LRP1B: variants seen among roughly 807,000 people sequenced by gnomAD.
The protein encoded by LRP1B is low-density lipoprotein receptor-related protein 1B.
In LRP1B, 217 loss-of-function variants were observed where a neutral mutation model predicts 556.6. The observed-to-expected ratio is 0.39, with a 90% CI of 0.35 to 0.44. LRP1B has a LOEUF of 0.44. Ranked by LOEUF, LRP1B falls within the 20% of genes least tolerant of loss-of-function variation. LRP1B has a pLI of 1.00. For missense variants in LRP1B, 5,053 were observed against 5,620.8 expected (o/e 0.90, Z 3.23); for synonymous variants, 2,047 against 1,865.8 (o/e 1.10, Z -2.50).
intron 2 of LRP1B, among the ~76,000 whole-genome samples, chr2:141,586,266 A>G (rs1304652684): frequency 6.6e-6 from 1 of 152,230 alleles, no homozygotes; most frequent in Non-Finnish European, 1.5e-5. Flanking sequence ...AAAAGCCTTT[A>G]AAACCAATAC....
intron 31 of LRP1B, among the ~76,000 whole-genome samples, chr2:140,829,174 CAAT>C (rs1691630174): frequency 6.6e-6 from 1 of 151,898 alleles, no homozygotes; most frequent in Admixed American, 6.6e-5. Context: ...GACTGTAACA[CAAT>C]AATAATGGAG....
intron 41 of LRP1B, among the ~76,000 whole-genome samples, chr2:140,679,991 G>A (rs1369691819): frequency 2.0e-5 from 3 of 151,072 alleles, no homozygotes; most frequent in Admixed American, 2.0e-4. Flanking sequence ...ATCAGCTATC[G>A]TTAGTGTTAG....
Position 141,854,729 on chromosome 2 carries a change from T to A in LRP1B, c.83-44328A>T, listed in dbSNP as rs1456041447. 2.0e-5 allele frequency among the ~76,000 whole-genome samples: 3 copies of A among 152,138 alleles called. No homozygotes were observed. In the East Asian group the frequency reaches 5.8e-4, roughly 29 times the overall value. On this transcript the variant is annotated intron_variant, in intron 1 of 90. Transcript: ENST00000389484. ...AAAATATTTATTAAAAACCTAGAAA[T>A]GGATTGTGTATAAATACAATGAATA...
At chr2:140,431,490 TG>T (rs768172704) in intron 66 of LRP1B, among the ~76,000 whole-genome samples, 6 of 152,192 alleles carry the variant, frequency 3.9e-5, no homozygotes, top group Non-Finnish European at 8.8e-5. Flanking sequence ...ATACATGCCC[TG>T]CTCTTGCTTA....
chr2:140,868,355 G>C, intron 25 of LRP1B, 92 bp from the exon 26 acceptor site: 14 of 1,155,796 alleles, frequency 1.2e-5, no homozygotes, highest in Non-Finnish European at 1.6e-5. Context: ...GCTAGGCACT[G>C]GATAGGTGAT....
chr2:141,294,103 CA>C (rs1403021838), intron 3 of LRP1B, among the ~76,000 whole-genome samples: 1 of 151,948 alleles, frequency 6.6e-6, no homozygotes, highest in African/African-American at 2.4e-5. Context: ...AGAGACTAAA[CA>C]GGTAAAGACC....
intron 3 of LRP1B, among the ~76,000 whole-genome samples, chr2:141,352,513 G>T (rs116434868): frequency 6.6e-6 from 1 of 151,664 alleles, no homozygotes; most frequent in African/African-American, 2.4e-5. Context: ...GCACCTTTTG[G>T]TTCTCAGAAA....
At chr2:140,402,871 A>G (rs1684567484) in intron 66 of LRP1B, among the ~76,000 whole-genome samples, 1 of 152,212 alleles carries the variant, frequency 6.6e-6, no homozygotes, top group Non-Finnish European at 1.5e-5. Context: ...AATTAAGTAA[A>G]TGAGAAAGTG....
intron 18 of LRP1B, among the ~76,000 whole-genome samples, chr2:140,978,842 C>A (rs1696681782): frequency 6.6e-6 from 1 of 152,152 alleles, no homozygotes; most frequent in Non-Finnish European, 1.5e-5. Flanking sequence ...CTGATACTAA[C>A]CCATGCCGCT....
At chr2:141,658,944 C>T (rs1036155041) in intron 2 of LRP1B, among the ~76,000 whole-genome samples, 1 of 152,154 alleles carries the variant, frequency 6.6e-6, no homozygotes, top group African/African-American at 2.4e-5. Flanking sequence ...CGCTCTGTTG[C>T]TCAGGCTGGA....
chr2:141,047,861 A>G (rs528277606), intron 11 of LRP1B, among the ~76,000 whole-genome samples: 3 of 152,058 alleles, frequency 2.0e-5, no homozygotes, highest in Non-Finnish European at 4.4e-5. Context: ...ATGTTTCTCC[A>G]TTAAGATCTA....
At chr2:141,363,602 T>A (rs1688915680) in intron 3 of LRP1B, among the ~76,000 whole-genome samples, 1 of 152,144 alleles carries the variant, frequency 6.6e-6, no homozygotes, top group Non-Finnish European at 1.5e-5. Flanking sequence ...AAAGGAAATA[T>A]CATTTAATAT....
At chr2:141,678,180 G>A (rs191107872) in intron 2 of LRP1B, among the ~76,000 whole-genome samples, 94 of 152,220 alleles carry the variant, frequency 6.2e-4, no homozygotes, top group African/African-American at 2.2e-3. Flanking sequence ...ATATAAACCT[G>A]AGTATTATTG....
chr2:142,076,170 T>C (rs1048294264), intron 1 of LRP1B, among the ~76,000 whole-genome samples: 9 of 152,118 alleles, frequency 5.9e-5, no homozygotes, highest in African/African-American at 1.9e-4. Context: ...AATAGGAAGA[T>C]ATATATTCAG....
chr2:140,354,632 T>G (rs1682127734), intron 75 of LRP1B, among the ~76,000 whole-genome samples: 1 of 152,046 alleles, frequency 6.6e-6, no homozygotes, highest in African/African-American at 2.4e-5. Context: ...GTATTCTGCA[T>G]GATTTCATAC....
chr2:141,818,055 A>G (rs984155699), intron 1 of LRP1B, among the ~76,000 whole-genome samples: 2 of 152,180 alleles, frequency 1.3e-5, no homozygotes, highest in African/African-American at 4.8e-5. Context: ...AGTTTAGTTA[A>G]CATCAAATAT....
At chr2:140,281,936 C>A (rs954082982) in intron 84 of LRP1B, among the ~76,000 whole-genome samples, 3 of 151,294 alleles carry the variant, frequency 2.0e-5, no homozygotes, top group Middle Eastern at 3.4e-3. Context: ...CCAGAGCAAC[C>A]AACAATATAA....
intron 24 of LRP1B, 29 bp from the exon 25 acceptor site, chr2:140,884,050 A>C (rs572978080): frequency 1.3e-6 from 2 of 1,598,864 alleles, no homozygotes; most frequent in East Asian, 4.5e-5. Context: ...CAACATGTGC[A>C]CCCATTCAAG....
chr2:141,956,889 T>G (rs758785852), intron 1 of LRP1B, among the ~76,000 whole-genome samples: 5 of 152,072 alleles, frequency 3.3e-5, no homozygotes, highest in Non-Finnish European at 7.4e-5. Context: ...GAATTATTTC[T>G]CCAAATGCAG....
Sources: allele counts gnomAD v4.1 joint callset (sites outside exome capture counted in the v4.1 genomes callset), GRCh38; gene constraint gnomAD v4.1.1; transcripts MANE v1.5; gene names NCBI Gene and HGNC (gene_info 2026-07-23, HGNC 2026-07-21).